The following ADAM12 variants were observed in gnomAD, a reference collection of about 807,000 sequenced individuals.
The protein encoded by ADAM12 is disintegrin and metalloproteinase domain-containing protein 12.
In ADAM12, 70 loss-of-function variants were observed where a neutral mutation model predicts 106.4. The observed-to-expected ratio is 0.66, with a 90% confidence interval of 0.54 to 0.80. The LOEUF (loss-of-function observed/expected upper bound fraction) is 0.80, where lower values mean the gene tolerates loss of function less well. ADAM12 is among the 30% of genes least tolerant of loss of function. The probability of loss-of-function intolerance (pLI) is 0.00; values close to 1 mark genes in which losing one functional copy is unlikely to be tolerated. For synonymous variants in ADAM12, 420 were observed against 433.5 expected (o/e 0.97, Z 0.39); for missense variants, 1,010 against 1,171.9 (o/e 0.86, Z 2.02).
chr10:126,334,828 T>C (rs188894561), intron 1 of ADAM12, among the ~76,000 whole-genome samples: 8 of 152,176 alleles, frequency 5.3e-5, no homozygotes, highest in Non-Finnish European at 8.8e-5. Context: ...AGGTGGAGAC[T>C]GATGCAGCAG....
chr10:126,086,287 G>C (rs1955339558), intron 11 of ADAM12, among the ~76,000 whole-genome samples: 1 of 152,048 alleles, frequency 6.6e-6, no homozygotes, highest in Non-Finnish European at 1.5e-5. Context: ...CAAACACACT[G>C]GGAAAAAGCC....
At chr10:126,125,269 G>A (rs890032329) in intron 5 of ADAM12, among the ~76,000 whole-genome samples, 35 of 120,772 alleles carry the variant, frequency 2.9e-4, no homozygotes, top group Admixed American at 8.0e-4. Flanking sequence ...TTTTTGAAAC[G>A]GAGTCTCGCT....
At chr10:126,135,993 G>C (rs1441202141) in intron 4 of ADAM12, among the ~76,000 whole-genome samples, 1 of 152,188 alleles carries the variant, frequency 6.6e-6, no homozygotes, top group Non-Finnish European at 1.5e-5. Context: ...TTACCCTCAT[G>C]TAAATTGTCT....
At chr10:126,127,684 C>T (rs145736917) in intron 5 of ADAM12, among the ~76,000 whole-genome samples, 20 of 152,298 alleles carry the variant, frequency 1.3e-4, no homozygotes, top group Non-Finnish European at 1.9e-4. Context: ...AAGACAGGGA[C>T]GTAAACACAT....
At chr10:126,264,035 A>G (rs191902263) in intron 3 of ADAM12, among the ~76,000 whole-genome samples, 1 of 152,332 alleles carries the variant, frequency 6.6e-6, no homozygotes, top group African/African-American at 2.4e-5. Flanking sequence ...TAAGTTTTTA[A>G]TGTCACTTCA....
At chr10:126,113,347 G>A (rs1427675441) in intron 6 of ADAM12, among the ~76,000 whole-genome samples, 1 of 151,914 alleles carries the variant, frequency 6.6e-6, no homozygotes, top group Non-Finnish European at 1.5e-5. Flanking sequence ...AGAGCATGGG[G>A]GCCTTGAATG....
intron 2 of ADAM12, among the ~76,000 whole-genome samples, chr10:126,312,550 T>TG (rs1370282813): frequency 3.3e-5 from 5 of 151,772 alleles, no homozygotes; most frequent in African/African-American, 1.2e-4. Context: ...GGAGTCTGGG[T>TG]GGTCAGGGAA....
chr10:126,233,718 C>T (rs1958359509), intron 3 of ADAM12, among the ~76,000 whole-genome samples: 1 of 152,050 alleles, frequency 6.6e-6, no homozygotes, highest in African/African-American at 2.4e-5. Context: ...ACTTGTGAAC[C>T]AAATGTTTCT....
chr10:126,379,046 C>G (rs191109910), intron 1 of ADAM12, among the ~76,000 whole-genome samples: 3 of 152,218 alleles, frequency 2.0e-5, no homozygotes, highest in African/African-American at 7.2e-5. Flanking sequence ...ACAAAAAACC[C>G]AGGATGAAAA....
chr10:126,044,437 G>A (rs1437658405), intron 17 of ADAM12, among the ~76,000 whole-genome samples: 2 of 152,170 alleles, frequency 1.3e-5, no homozygotes, highest in Non-Finnish European at 2.9e-5. Flanking sequence ...GGCTGTTCTT[G>A]GATGCTGTTG....
At chr10:126,337,363 C>CACCT (rs1235044159) in intron 1 of ADAM12, among the ~76,000 whole-genome samples, 2 of 152,152 alleles carry the variant, frequency 1.3e-5, no homozygotes, top group African/African-American at 4.8e-5. Flanking sequence ...AAGCTTATCC[C>CACCT]ACCTTCCTCT....
At chr10:126,022,896 T>G (rs1443090770) in intron 21 of ADAM12, among the ~76,000 whole-genome samples, 4 of 152,252 alleles carry the variant, frequency 2.6e-5, no homozygotes, top group Non-Finnish European at 5.9e-5. Flanking sequence ...TTCTTCTATA[T>G]TCTGCTCATG....
intron 6 of ADAM12, among the ~76,000 whole-genome samples, chr10:126,113,262 G>A (rs1208091451): frequency 6.6e-6 from 1 of 152,138 alleles, no homozygotes; most frequent in Non-Finnish European, 1.5e-5. Context: ...GACAAGAGTG[G>A]ACGAGAGGAG....
intron 3 of ADAM12, among the ~76,000 whole-genome samples, chr10:126,248,981 C>G (rs1160403549): frequency 6.6e-6 from 1 of 152,110 alleles, no homozygotes; most frequent in African/African-American, 2.4e-5. Flanking sequence ...GCTGGGATTA[C>G]AGGCATGAGC....
At chr10:126,114,860 A>G (rs1485642722) in intron 6 of ADAM12, among the ~76,000 whole-genome samples, 2 of 152,208 alleles carry the variant, frequency 1.3e-5, no homozygotes, top group African/African-American at 4.8e-5. Context: ...TTAGAGAGGA[A>G]TTCAGTATGC....
Position 126,098,488 on chromosome 10 carries a change from G to C in ADAM12, c.924C>G (p.Phe308Leu). 6.2e-7 allele frequency: 1 copy of C among 1,613,752 alleles called. No individual in the cohort carries two copies. The highest frequency in any genetic ancestry group is 8.5e-7 in the Non-Finnish European group (1 of 1,179,706). Residue 308 changes from phenylalanine to leucine, a missense_variant, in exon 10 of 23, where the codon TTC (phenylalanine) becomes TTG (leucine). Around this residue, in one of 3 missense-constraint regions of ADAM12, gnomAD observed 391 missense variants for 442.9 expected, o/e 0.88. Coordinates refer to ENST00000448723, the MANE Select transcript of ADAM12 (RefSeq NM_001288973.2). ...GGGCCATGCCGATGGTGGTCCCTTG[G>C]AAATAAACCCCACTAGGAAATAAAA... ...DNAQLVSGVY[F>L]QGTTIGMAPI...
At chr10:126,290,144 A>C (rs1311587392) in intron 2 of ADAM12, among the ~76,000 whole-genome samples, 2 of 152,154 alleles carry the variant, frequency 1.3e-5, no homozygotes, top group African/African-American at 4.8e-5. Flanking sequence ...GCCATGAGCC[A>C]AGGAACCTGG....
At chr10:126,026,397 C>G (rs371470776) in intron 21 of ADAM12, among the ~76,000 whole-genome samples, 75 of 152,238 alleles carry the variant, frequency 4.9e-4, no homozygotes, top group African/African-American at 1.8e-3. Flanking sequence ...CAAAGACATT[C>G]AGGACTTGAA....
chr10:126,014,815 C>T lies in ADAM12; in HGVS notation c.*2464G>A, dbSNP rs1953632929. On this transcript the variant is annotated 3_prime_UTR_variant, in exon 23 of 23. Coordinates refer to ENST00000448723, the MANE Select transcript of ADAM12 (RefSeq NM_001288973.2). ...CAAAACTCAAACCACCTCTATTATT[C>T]ATGCCTATACAGTCTTTTAAAAAAA... is the stretch of plus-strand genomic sequence containing the variant. 1 of 146,366 alleles carries T rather than the reference C, an allele frequency of 6.8e-6. No homozygotes were observed. The highest frequency in any genetic ancestry group is 6.8e-5 in the Admixed American group (1 of 14,708). The allele number at this position is 146,366 out of a possible 1,614,324, so 9.1% of individuals were successfully genotyped here.
Sources: allele counts gnomAD v4.1 joint callset (sites outside exome capture counted in the v4.1 genomes callset), GRCh38; gene constraint gnomAD v4.1.1; regional missense constraint gnomAD v4.1.1; transcripts MANE v1.5; gene names NCBI Gene and HGNC (gene_info 2026-07-23, HGNC 2026-07-21).